METTL8: variants seen among roughly 807,000 people sequenced by gnomAD.
METTL8 encodes the protein tRNA N(3)-cytidine methyltransferase METTL8, mitochondrial.
METTL8 carries 32 observed loss-of-function variants against 48.7 expected under a neutral mutation model. The ratio of observed to expected loss-of-function variants is 0.66; its 90% CI spans 0.50 to 0.88. The LOEUF is 0.88. Ranked by LOEUF, METTL8 falls within the 40% of genes least tolerant of loss-of-function variation. The pLI is 0.00. For synonymous variants in METTL8, 136 were observed against 157.1 expected, an observed-to-expected ratio of 0.87 and a Z score of 1.01; for missense variants, 464 against 474.4, an observed-to-expected ratio of 0.98 and a Z score of 0.20.
intron 1 of METTL8, among the ~76,000 whole-genome samples, chr2:171,407,366 G>C (rs1029341223): frequency 1.3e-5 from 2 of 151,834 alleles, no homozygotes; most frequent in African/African-American, 4.8e-5. Flanking sequence ...AAACAGGGGA[G>C]GGAGAAGACA....
At chr2:171,324,455 A>G in intron 9 of METTL8, 93 bp from the exon 10 acceptor site, 6 of 1,097,212 alleles carry the variant, frequency 5.5e-6, no homozygotes, top group Non-Finnish European at 7.7e-6. Context: ...TGACCATCTA[A>G]ATTTCATTTA....
At chr2:171,390,390 T>G (rs909174437) in intron 2 of METTL8, among the ~76,000 whole-genome samples, 1 of 152,220 alleles carries the variant, frequency 6.6e-6, no homozygotes, top group Non-Finnish European at 1.5e-5. Context: ...AAGTCTTATT[T>G]AAGAACTACA....
At chr2:171,387,323 G>A (rs1688158572) in intron 2 of METTL8, among the ~76,000 whole-genome samples, 1 of 152,030 alleles carries the variant, frequency 6.6e-6, no homozygotes, top group South Asian at 2.1e-4. Context: ...TGAGCAGCGG[G>A]GCACTGAAGA....
chr2:171,389,690 T>C (rs1015079600), intron 2 of METTL8, among the ~76,000 whole-genome samples: 5 of 152,250 alleles, frequency 3.3e-5, no homozygotes, highest in African/African-American at 1.2e-4. Flanking sequence ...CTAACTTTCT[T>C]TGACTCTATG....
intron 1 of METTL8, among the ~76,000 whole-genome samples, chr2:171,430,388 T>C (rs114318249): frequency 0.034 from 5,065 of 151,042 alleles, 104 homozygotes; most frequent in East Asian, 0.068. Flanking sequence ...AAAGGGAGCC[T>C]GTCTAGGGGC....
intron 1 of METTL8, among the ~76,000 whole-genome samples, chr2:171,404,913 G>A (rs932192829): frequency 2.6e-5 from 4 of 152,168 alleles, no homozygotes; most frequent in Non-Finnish European, 4.4e-5. Context: ...GTGGCCATGA[G>A]TATCAACGAG....
intron 3 of METTL8, among the ~76,000 whole-genome samples, chr2:171,359,585 T>A (rs370264163): frequency 1.9e-4 from 29 of 152,042 alleles, no homozygotes; most frequent in African/African-American, 6.7e-4. Flanking sequence ...GCAGCTCTAT[T>A]CATAGTAGCC....
At chr2:171,350,607 C>T (rs147481450) in intron 3 of METTL8, among the ~76,000 whole-genome samples, 1 of 152,182 alleles carries the variant, frequency 6.6e-6, no homozygotes, top group African/African-American at 2.4e-5. Context: ...TATTTCTCCA[C>T]ATCCTCTCCA....
chr2:171,383,409 T>C (rs1387512718), intron 2 of METTL8, among the ~76,000 whole-genome samples: 1 of 152,064 alleles, frequency 6.6e-6, no homozygotes, highest in East Asian at 1.9e-4. Flanking sequence ...TAAGCAACCC[T>C]TGAATAAAGA....
intron 2 of METTL8, among the ~76,000 whole-genome samples, chr2:171,379,790 T>C (rs572963262): frequency 2.6e-5 from 4 of 152,278 alleles, no homozygotes; most frequent in Admixed American, 6.5e-5. Context: ...CAGGACCAGA[T>C]AGATTCACAG....
At chr2:171,388,359 T>C (rs1228977606) in intron 2 of METTL8, among the ~76,000 whole-genome samples, 2 of 152,222 alleles carry the variant, frequency 1.3e-5, no homozygotes, top group Non-Finnish European at 2.9e-5. Flanking sequence ...ACTTCAGCTA[T>C]GAATTCAGGA....
intron 2 of METTL8, among the ~76,000 whole-genome samples, chr2:171,376,636 C>T (rs13019648): frequency 6.6e-6 from 1 of 152,094 alleles, no homozygotes; most frequent in Non-Finnish European, 1.5e-5. Flanking sequence ...TAGGAATACA[C>T]TTAGCAAAGG....
chr2:171,328,072 T>A lies in METTL8; in HGVS notation c.861-1924A>T, dbSNP rs547210423. On this transcript the variant is annotated intron_variant, in intron 7 of 9. Coordinates refer to ENST00000375258, the MANE Select transcript of METTL8 (RefSeq NM_001321154.2). ...TTGCTCATCTCATCTTGGTTCATAG[T>A]GCAGTTCCCGAGCCAATTCCTGAGA... Among the ~76,000 whole-genome samples the A allele has an allele frequency of 5.9e-5, 9 of 152,298 alleles. No homozygotes were observed. In the East Asian group the frequency reaches 1.4e-3, roughly 23 times the overall value.
At chr2:171,420,471 T>C (rs1648251499) in intron 1 of METTL8, among the ~76,000 whole-genome samples, 3 of 152,232 alleles carry the variant, frequency 2.0e-5, no homozygotes. Context: ...AGTGGAATTT[T>C]AGTTCTGCAA....
At chr2:171,413,608 T>C (rs1375433276) in intron 1 of METTL8, among the ~76,000 whole-genome samples, 1 of 152,188 alleles carries the variant, frequency 6.6e-6, no homozygotes, top group Non-Finnish European at 1.5e-5. Context: ...ATTAATTTTT[T>C]CTTAGGTTAC....
chr2:171,392,279 G>A, intron 1 of METTL8, 82 bp from the exon 2 acceptor site: 1 of 1,163,750 alleles, frequency 8.6e-7, no homozygotes, highest in Non-Finnish European at 1.2e-6. Context: ...TGGTTCTAAA[G>A]GTTTTCAATC....
At chr2:171,394,394 GA>G (rs893476485) in intron 1 of METTL8, among the ~76,000 whole-genome samples, 68 of 144,190 alleles carry the variant, frequency 4.7e-4, no homozygotes, top group East Asian at 3.4e-3. Context: ...ATAGAAGAGG[GA>G]AAAAAAAAAA....
intron 1 of METTL8, among the ~76,000 whole-genome samples, chr2:171,430,230 C>T (rs991271653): frequency 8.0e-5 from 12 of 150,748 alleles, no homozygotes; most frequent in South Asian, 6.3e-4. Context: ...TGGTGGTGTG[C>T]GCCTGTAATG....
intron 3 of METTL8, among the ~76,000 whole-genome samples, chr2:171,356,950 A>ATGTGTTTTTTTTTTTT (rs1202277226): frequency 1.1e-3 from 5 of 4,746 alleles, no homozygotes; most frequent in African/African-American, 1.5e-3. Flanking sequence ...TTCAAAGACA[A>ATGTGTTTTTTTTTTTT]TATTTTTTTT....
Sources: gnomAD v4.1 joint callset for allele counts (sites outside exome capture counted in the v4.1 genomes callset) on GRCh38, gnomAD v4.1.1 for gene constraint, MANE v1.5 for transcripts, NCBI Gene and HGNC (gene_info 2026-07-23, HGNC 2026-07-21) for gene names.